Variants in TSPAN18 observed in about 807,000 individuals in gnomAD.
The protein encoded by TSPAN18 is tetraspanin-18.
TSPAN18 carries 14 observed loss-of-function variants against 27.3 expected under a neutral mutation model. The observed-to-expected ratio is 0.51, with a 90% confidence interval of 0.34 to 0.80. TSPAN18 has a LOEUF of 0.80. Ranked by LOEUF, TSPAN18 falls within the 30% of genes least tolerant of loss-of-function variation. TSPAN18 has a pLI of 0.01. For missense variants in TSPAN18, 268 were observed against 323.9 expected (o/e 0.83, Z 1.32); for synonymous variants, 143 against 136.5 (o/e 1.05, Z -0.33).
intron 3 of TSPAN18, among the ~76,000 whole-genome samples, chr11:44,887,261 G>A (rs1858686639): frequency 6.6e-6 from 1 of 152,186 alleles, no homozygotes; most frequent in Non-Finnish European, 1.5e-5. Flanking sequence ...ACATCTGTAA[G>A]ATGGGGGTGG....
intron 2 of TSPAN18, among the ~76,000 whole-genome samples, chr11:44,832,698 C>A (rs556884206): frequency 6.6e-5 from 10 of 152,294 alleles, no homozygotes; most frequent in Non-Finnish European, 1.5e-4. Flanking sequence ...AGCTGACCTT[C>A]TTCCTTGTTC....
At chr11:44,820,501 G>T (rs1247633021) in intron 2 of TSPAN18, among the ~76,000 whole-genome samples, 1 of 152,238 alleles carries the variant, frequency 6.6e-6, no homozygotes, top group African/African-American at 2.4e-5. Context: ...CGTGGCACTT[G>T]AGAGCTAGAC....
intron 1 of TSPAN18, among the ~76,000 whole-genome samples, chr11:44,742,305 C>CTT (rs751379143): frequency 2.0e-4 from 28 of 141,298 alleles, no homozygotes; most frequent in African/African-American, 2.8e-4. Flanking sequence ...CCCTCCCTCC[C>CTT]TCCCTTTTTT....
At chr11:44,811,469 T>C (rs1407198578) in intron 2 of TSPAN18, among the ~76,000 whole-genome samples, 1 of 151,906 alleles carries the variant, frequency 6.6e-6, no homozygotes, top group African/African-American at 2.4e-5. Context: ...GATTTTTTTT[T>C]TTTTTTTGAG....
intron 2 of TSPAN18, among the ~76,000 whole-genome samples, chr11:44,813,799 A>G (rs770928764): frequency 1.1e-4 from 17 of 152,332 alleles, no homozygotes; most frequent in Admixed American, 3.9e-4. Flanking sequence ...ACCAGAGGGC[A>G]GACTATCACA....
At chr11:44,841,158 T>A (rs1465577410) in intron 2 of TSPAN18, among the ~76,000 whole-genome samples, 3 of 152,176 alleles carry the variant, frequency 2.0e-5, no homozygotes, top group African/African-American at 7.2e-5. Context: ...AGTGGCTGCC[T>A]ACATGGAGCT....
intron 2 of TSPAN18, among the ~76,000 whole-genome samples, chr11:44,765,558 C>T (rs1855550561): frequency 6.6e-6 from 1 of 152,176 alleles, no homozygotes; most frequent in South Asian, 2.1e-4. Flanking sequence ...TCTCATCTGT[C>T]ATGTCATCTT....
At chr11:44,903,790 C>T (rs1234667024) in intron 3 of TSPAN18, 5 of 433,042 alleles carry the variant, frequency 1.2e-5, no homozygotes, top group African/African-American at 8.9e-5. Context: ...CATCCTTTGT[C>T]CTTCCAAGCT....
intron 2 of TSPAN18, among the ~76,000 whole-genome samples, chr11:44,833,897 T>C (rs1252798028): frequency 6.6e-6 from 1 of 151,948 alleles, no homozygotes; most frequent in African/African-American, 2.4e-5. Context: ...CCCCACCCAG[T>C]AGAGGAATCT....
chr11:44,912,835 G>A (rs1053070719), intron 5 of TSPAN18, among the ~76,000 whole-genome samples: 1 of 149,560 alleles, frequency 6.7e-6, no homozygotes, highest in Non-Finnish European at 1.5e-5. Flanking sequence ...ACATGTGCAT[G>A]GGTGTCATGT....
At chr11:44,926,390 A>G (rs1860354850) in intron 8 of TSPAN18, 1 of 354,248 alleles carries the variant, frequency 2.8e-6, no homozygotes, top group Admixed American at 4.5e-5. Context: ...ATTTCCCAAT[A>G]TTCCAATCAC....
At chr11:44,760,733 T>A (rs1319376221) in intron 1 of TSPAN18, among the ~76,000 whole-genome samples, 1 of 152,152 alleles carries the variant, frequency 6.6e-6, no homozygotes, top group Admixed American at 6.5e-5. Flanking sequence ...ATGGGTGAAA[T>A]TGGCTTATAC....
At chr11:44,784,738 T>TGCCC (rs10680844) in intron 2 of TSPAN18, among the ~76,000 whole-genome samples, 16,267 of 152,194 alleles carry the variant, frequency 0.11, 1,555 homozygotes, top group East Asian at 0.51. Context: ...TCAGTGATGA[T>TGCCC]AACCCAGCAA....
At chr11:44,788,456 CTTTTT>C (rs11458938) in intron 2 of TSPAN18, among the ~76,000 whole-genome samples, 11 of 126,790 alleles carry the variant, frequency 8.7e-5, no homozygotes, top group African/African-American at 1.8e-4. Context: ...CTTTTTTTCT[CTTTTT>C]TTTTTTTTTT....
intron 2 of TSPAN18, among the ~76,000 whole-genome samples, chr11:44,822,932 G>A (rs967120086): frequency 5.9e-5 from 9 of 152,216 alleles, no homozygotes; most frequent in East Asian, 3.9e-4. Flanking sequence ...CCCACCAGCT[G>A]TGTAACATTG....
intron 3 of TSPAN18, among the ~76,000 whole-genome samples, chr11:44,880,700 G>A (rs975776424): frequency 3.9e-5 from 6 of 152,246 alleles, no homozygotes; most frequent in South Asian, 2.1e-4. Context: ...TCCTCAGAGC[G>A]ATCATCTGTG....
chr11:44,812,669 C>A (rs1042189501), intron 2 of TSPAN18, among the ~76,000 whole-genome samples: 1 of 152,162 alleles, frequency 6.6e-6, no homozygotes, highest in Admixed American at 6.5e-5. Flanking sequence ...TGACCCCACC[C>A]CCAAAGGGTG....
At chr11:44,754,465 C>T (rs532429731) in intron 1 of TSPAN18, among the ~76,000 whole-genome samples, 3 of 152,338 alleles carry the variant, frequency 2.0e-5, no homozygotes, top group Admixed American at 6.5e-5. Context: ...TGTTGAGACA[C>T]AATTCATACC....
At chr11:44,902,322 G>A (rs904044167) in intron 3 of TSPAN18, among the ~76,000 whole-genome samples, 5 of 152,218 alleles carry the variant, frequency 3.3e-5, no homozygotes, top group South Asian at 2.1e-4. Flanking sequence ...GCTGGGATTC[G>A]AACCCAGTTG....
Sources: gnomAD v4.1 joint callset for allele counts (sites outside exome capture counted in the v4.1 genomes callset) on GRCh38, gnomAD v4.1.1 for gene constraint, MANE v1.5 for transcripts, NCBI Gene and HGNC (gene_info 2026-07-23, HGNC 2026-07-21) for gene names.